Variants in MID1 observed in about 807,000 individuals in gnomAD.
The protein encoded by MID1 is midline 1.
MID1 carries 7 observed loss-of-function variants against 40.4 expected under a neutral mutation model. That is an observed-to-expected ratio of 0.17 (90% CI 0.10 to 0.33). MID1 has a LOEUF of 0.33. MID1 is among the 10% of genes least tolerant of loss of function. MID1 has a pLI of 1.00. For synonymous variants in MID1, 229 were observed against 221.2 expected (o/e 1.04, Z -0.31); for missense variants, 367 against 558.5 (o/e 0.66, Z 3.46).
At chrX:10,495,970 T>C (rs1931228324) in intron 3 of MID1, among the ~76,000 whole-genome samples, 1 of 112,198 alleles carries the variant, frequency 8.9e-6, no homozygotes, top group Non-Finnish European at 1.9e-5. Flanking sequence ...CCATTACCAA[T>C]TAGTTGGAAA....
At chrX:10,505,365 G>T in intron 3 of MID1, 1 of 753,446 alleles carries the variant, frequency 1.3e-6, no homozygotes, top group Non-Finnish European at 1.6e-6. Context: ...AACTTTGTTA[G>T]AAGCAGTTCC....
At chrX:10,812,475 CCT>C (rs1460722033) in intron 1 of MID1, among the ~76,000 whole-genome samples, 34 of 111,357 alleles carry the variant, frequency 3.1e-4, no homozygotes, top group African/African-American at 1.1e-3. Context: ...CATCACTTTT[CCT>C]CTCTCTCTTT....
intron 7 of MID1, among the ~76,000 whole-genome samples, chrX:10,462,534 T>TTCAG (rs1399295851): frequency 1.8e-5 from 2 of 112,343 alleles, no homozygotes; most frequent in Non-Finnish European, 3.8e-5. Flanking sequence ...CAAACTCATT[T>TTCAG]TCAGTCATCT....
At chrX:10,549,586 G>A (rs756386838) in intron 2 of MID1, among the ~76,000 whole-genome samples, 5 of 113,511 alleles carry the variant, frequency 4.4e-5, no homozygotes, top group East Asian at 5.5e-4. Flanking sequence ...AGTCCTTTAC[G>A]GTGTTTGCTG....
At chrX:10,776,987 G>A (rs113741503) in intron 1 of MID1, among the ~76,000 whole-genome samples, 4,768 of 110,769 alleles carry the variant, frequency 0.043, 233 homozygotes, top group African/African-American at 0.14. Context: ...GGAAAGGTAC[G>A]TGATTCCTTC....
At chrX:10,761,060 T>A (rs73484905) in intron 1 of MID1, among the ~76,000 whole-genome samples, 6,018 of 111,665 alleles carry the variant, frequency 0.054, 411 homozygotes, top group African/African-American at 0.19. Flanking sequence ...ACTGTATGAG[T>A]GCCTTAGAAC....
chrX:10,784,948 T>C (rs1188404845), intron 1 of MID1, among the ~76,000 whole-genome samples: 3 of 110,825 alleles, frequency 2.7e-5, no homozygotes, highest in African/African-American at 9.9e-5. Flanking sequence ...CCACTCCTAT[T>C]CAACATAGTG....
At chrX:10,641,750 T>C (rs981648567) in intron 1 of MID1, among the ~76,000 whole-genome samples, 1 of 111,807 alleles carries the variant, frequency 8.9e-6, no homozygotes, top group Non-Finnish European at 1.9e-5. Flanking sequence ...TGATGAACAT[T>C]GATGCAAAAA....
chrX:10,673,383 A>G (rs1196944033), intron 1 of MID1, among the ~76,000 whole-genome samples: 1 of 112,051 alleles, frequency 8.9e-6, no homozygotes, highest in Non-Finnish European at 1.9e-5. Flanking sequence ...GCTGGTGGAA[A>G]CCAGGGCAGG....
At chrX:10,695,710 G>A (rs190300251) in intron 1 of MID1, among the ~76,000 whole-genome samples, 5 of 111,956 alleles carry the variant, frequency 4.5e-5, no homozygotes, top group African/African-American at 1.6e-4. Flanking sequence ...CTGCGCAGCA[G>A]GCAGGAAGAA....
intron 1 of MID1, among the ~76,000 whole-genome samples, chrX:10,809,429 T>C (rs143492792): frequency 0.032 from 3,577 of 111,580 alleles, 161 homozygotes; most frequent in African/African-American, 0.11. Flanking sequence ...CATTACTGGG[T>C]ATATACCCAA....
chrX:10,531,435 G>GC lies in MID1; in HGVS notation c.661-8249dup, dbSNP rs749571688. 2.7e-5 allele frequency among the ~76,000 whole-genome samples: 3 copies of GC among 111,767 alleles called. No individual in the cohort carries two copies. In the East Asian group the frequency reaches 8.4e-4, roughly 31 times the overall value. ...ATTTCCAAATGCCCTGGCAAGACAG[G>GC]CCGCCGAGGGAACTTCAAAAACCTA... On this transcript the variant is annotated intron_variant, in intron 2 of 9. Transcript: ENST00000317552.
chrX:10,533,326 AG>A (rs747351060), intron 2 of MID1, among the ~76,000 whole-genome samples: 24 of 63,536 alleles, frequency 3.8e-4, no homozygotes, highest in African/African-American at 8.2e-4. Context: ...AAAGAAAGAA[AG>A]GAAAGAAAGA....
chrX:10,789,085 C>T (rs1033379163), intron 1 of MID1, among the ~76,000 whole-genome samples: 7 of 111,225 alleles, frequency 6.3e-5, no homozygotes, highest in South Asian at 3.8e-4. Context: ...TCCAGCTATT[C>T]GGGAGGCTGA....
chrX:10,691,618 C>T (rs1695957377), intron 1 of MID1, among the ~76,000 whole-genome samples: 1 of 111,755 alleles, frequency 8.9e-6, no homozygotes, highest in African/African-American at 3.3e-5. Context: ...TACGTCACCT[C>T]AAGACCATTA....
At position 10,706,092 on chromosome X, in the gene MID1, A is replaced by G. The variant is rs192143721; in HGVS notation, c.-186-85673T>C. 3.0e-3 allele frequency among the ~76,000 whole-genome samples: 338 copies of G among 111,044 alleles called. 2 individuals carry two copies. The highest frequency in any genetic ancestry group is 0.011 in the African/African-American group (325 of 30,528). On this transcript the variant is annotated intron_variant, in intron 1 of 10. Transcript: ENST00000380785. Reference sequence around the variant, plus strand: ...GCAGCATCTCTGGTTTCCACCCACTAGATGTTAAGAGCAAGACCTTCCCCA... The same window carrying G: ...GCAGCATCTCTGGTTTCCACCCACTGGATGTTAAGAGCAAGACCTTCCCCA...
chrX:10,729,666 G>A (rs962620652), intron 1 of MID1, among the ~76,000 whole-genome samples: 2 of 111,955 alleles, frequency 1.8e-5, no homozygotes, highest in Admixed American at 9.5e-5. Flanking sequence ...TTTCAAAGCA[G>A]TACTCTCTAT....
chrX:10,760,079 A>G (rs2043666051), intron 1 of MID1, among the ~76,000 whole-genome samples: 1 of 111,580 alleles, frequency 9.0e-6, no homozygotes, highest in Non-Finnish European at 1.9e-5. Context: ...AACCAATCTG[A>G]TTTTGGAGTT....
intron 3 of MID1, among the ~76,000 whole-genome samples, chrX:10,520,197 C>T (rs1052418105): frequency 9.0e-6 from 1 of 111,478 alleles, no homozygotes; most frequent in Non-Finnish European, 1.9e-5. Flanking sequence ...TCTTTTAATC[C>T]CCCCTTCTCA....
Sources: gnomAD v4.1 joint callset for allele counts (sites outside exome capture counted in the v4.1 genomes callset) on GRCh38, gnomAD v4.1.1 for gene constraint, MANE v1.5 for transcripts, NCBI Gene and HGNC (gene_info 2026-07-23, HGNC 2026-07-21) for gene names.